The following EPB41L4B variants were observed in gnomAD, a reference collection of about 807,000 sequenced individuals.
EPB41L4B encodes erythrocyte membrane protein band 4.1 like 4B, also known as band 4.1-like protein 4B.
In EPB41L4B, 30 loss-of-function variants were observed where a neutral mutation model predicts 112.5. The ratio of observed to expected loss-of-function variants is 0.27; its 90% CI spans 0.20 to 0.36. The LOEUF (loss-of-function observed/expected upper bound fraction) is 0.36. EPB41L4B is among the 10% of genes least tolerant of loss of function. The pLI is 1.00. For synonymous variants in EPB41L4B, 408 were observed against 439.7 expected (o/e 0.93, Z 0.90); for missense variants, 1,024 against 1,133.3 (o/e 0.90, Z 1.38).
chr9:109,281,612 G>A (rs995782764), intron 1 of EPB41L4B, among the ~76,000 whole-genome samples: 12 of 152,142 alleles, frequency 7.9e-5, no homozygotes, highest in African/African-American at 2.7e-4. Flanking sequence ...TGAGGTCGGG[G>A]AGGTGGAAGT....
At chr9:109,272,579 C>A (rs1835664309) in intron 2 of EPB41L4B, among the ~76,000 whole-genome samples, 1 of 152,116 alleles carries the variant, frequency 6.6e-6, no homozygotes, top group African/African-American at 2.4e-5. Flanking sequence ...ATGGTAAAAT[C>A]CCATCTCTGT....
chr9:109,199,976 C>T (rs989790782), intron 20 of EPB41L4B, among the ~76,000 whole-genome samples: 1 of 152,174 alleles, frequency 6.6e-6, no homozygotes, highest in Non-Finnish European at 1.5e-5. Flanking sequence ...TCCACAGGAA[C>T]TGTGAGGTGA....
intron 15 of EPB41L4B, among the ~76,000 whole-genome samples, chr9:109,223,105 T>C (rs1833646117): frequency 6.6e-6 from 1 of 152,174 alleles, no homozygotes; most frequent in Non-Finnish European, 1.5e-5. Flanking sequence ...TCCCTGACCC[T>C]GGACTGCCAG....
chr9:109,262,288 G>A (rs1040289439), intron 6 of EPB41L4B, among the ~76,000 whole-genome samples: 1 of 152,010 alleles, frequency 6.6e-6, no homozygotes, highest in African/African-American at 2.4e-5. Context: ...CTTAGTCAAG[G>A]GACCCAACAC....
chr9:109,294,261 C>G (rs368255028), intron 1 of EPB41L4B, among the ~76,000 whole-genome samples: 1 of 149,338 alleles, frequency 6.7e-6, no homozygotes, highest in Non-Finnish European at 1.5e-5. Flanking sequence ...GCCGAGATCA[C>G]GCCACTGCAC....
intron 1 of EPB41L4B, among the ~76,000 whole-genome samples, chr9:109,307,886 G>C (rs1837272104): frequency 6.6e-6 from 1 of 152,070 alleles, no homozygotes; most frequent in African/African-American, 2.4e-5. Flanking sequence ...ATAAGCGCTG[G>C]GGGGCTACGT....
chr9:109,235,374 C>G (rs1388244959), intron 15 of EPB41L4B, among the ~76,000 whole-genome samples: 1 of 146,574 alleles, frequency 6.8e-6, no homozygotes, highest in Non-Finnish European at 1.5e-5. Flanking sequence ...TTAGAAATAC[C>G]ATTTCTTCAG....
intron 15 of EPB41L4B, chr9:109,240,004 C>A (rs1348829459): frequency 1.2e-5 from 12 of 985,270 alleles, no homozygotes; most frequent in Non-Finnish European, 1.4e-5. Flanking sequence ...CCAAGAGCAG[C>A]CTCATTCTAG....
chr9:109,194,550 A>G (rs1832577941), intron 20 of EPB41L4B, among the ~76,000 whole-genome samples, 153 bp from the exon 21 acceptor site: 1 of 152,230 alleles, frequency 6.6e-6, no homozygotes, highest in South Asian at 2.1e-4. Flanking sequence ...TGCAGGATCC[A>G]ATACTCTGAC....
Position 109,182,646 on chromosome 9 carries a change from C to T in EPB41L4B, c.2487+83G>A, listed in dbSNP as rs1832106952. On this transcript the variant is annotated intron_variant, in intron 24 of 25. Coordinates refer to ENST00000374566, the MANE Select transcript of EPB41L4B (RefSeq NM_019114.5). ...ACGGTGATCAAAAGAAGCGGTTGAC[C>T]TTGCTGTCTGGCATCCCGCAGAAAA... 20 of 1,017,982 alleles carry T rather than the reference C, an allele frequency of 2.0e-5. No individual in the cohort carries two copies. The South Asian group carries it at 2.4e-4, about 12-fold the overall frequency. The allele number at this position is 1,017,982 out of a possible 1,614,324, so 63.1% of individuals were successfully genotyped here. A position where few individuals can be genotyped will look rare whatever the true frequency, so the allele number is the denominator to read the frequency against.
intron 2 of EPB41L4B, among the ~76,000 whole-genome samples, 199 bp from the exon 3 acceptor site, chr9:109,268,632 C>G (rs1188662193): frequency 2.0e-5 from 3 of 152,112 alleles, no homozygotes; most frequent in Non-Finnish European, 4.4e-5. Flanking sequence ...GGCGCGGTGG[C>G]TCACGCCTGT....
At chr9:109,263,589 C>T (rs915449641) in intron 5 of EPB41L4B, among the ~76,000 whole-genome samples, 1 of 152,196 alleles carries the variant, frequency 6.6e-6, no homozygotes, top group Admixed American at 6.5e-5. Context: ...CTATCTAAGG[C>T]ACAGCCATAG....
intron 19 of EPB41L4B, 58 bp downstream of exon 19, chr9:109,203,605 G>T: frequency 1.5e-6 from 2 of 1,364,158 alleles, no homozygotes; most frequent in Non-Finnish European, 1.0e-6. Context: ...AATGTTTCAA[G>T]GATAATGTTG....
intron 15 of EPB41L4B, among the ~76,000 whole-genome samples, chr9:109,242,298 C>A (rs923836406): frequency 6.6e-6 from 1 of 152,188 alleles, no homozygotes; most frequent in Non-Finnish European, 1.5e-5. Context: ...TGAGAATTTG[C>A]ATTAAACAAG....
At chr9:109,303,835 A>G (rs1837072566) in intron 1 of EPB41L4B, among the ~76,000 whole-genome samples, 1 of 151,962 alleles carries the variant, frequency 6.6e-6, no homozygotes, top group Non-Finnish European at 1.5e-5. Flanking sequence ...CACAGAACTG[A>G]TATGACCGGA....
At chr9:109,282,955 T>C (rs1836126673) in intron 1 of EPB41L4B, among the ~76,000 whole-genome samples, 2 of 152,126 alleles carry the variant, frequency 1.3e-5, no homozygotes, top group Non-Finnish European at 1.5e-5. Flanking sequence ...GTGCTGGGAT[T>C]ACAGGCGTGA....
At chr9:109,256,281 G>C in intron 8 of EPB41L4B, 57 bp from the exon 9 acceptor site, 3 of 1,587,582 alleles carry the variant, frequency 1.9e-6, no homozygotes, top group Non-Finnish European at 2.6e-6. Flanking sequence ...TCACACAGCA[G>C]AATGCAAAAT....
chr9:109,309,554 A>G (rs1175740787), intron 1 of EPB41L4B, among the ~76,000 whole-genome samples: 1 of 152,168 alleles, frequency 6.6e-6, no homozygotes, highest in African/African-American at 2.4e-5. Flanking sequence ...TGTGAAAATC[A>G]TAAAACAAAA....
chr9:109,234,712 A>T (rs1343716112), intron 15 of EPB41L4B, among the ~76,000 whole-genome samples: 2 of 152,138 alleles, frequency 1.3e-5, no homozygotes, highest in Admixed American at 6.5e-5. Flanking sequence ...AAAATTTTTT[A>T]AAAATTTAGC....
Sources: gnomAD v4.1 joint callset for allele counts (sites outside exome capture counted in the v4.1 genomes callset) on GRCh38, gnomAD v4.1.1 for gene constraint, MANE v1.5 for transcripts, NCBI Gene and HGNC (gene_info 2026-07-23, HGNC 2026-07-21) for gene names.